Variants in SPMAP2L observed in about 807,000 individuals in gnomAD.
SPMAP2L encodes the protein sperm microtubule associated protein 2 like.
chr4:56,537,440 C>T, the SPMAP2L span, among the ~76,000 whole-genome samples: 1 of 152,160 alleles, frequency 6.6e-6, no homozygotes, highest in Non-Finnish European at 1.5e-5. Flanking sequence ...ATTGACTATA[C>T]TTTTTCAAAC....
chr4:56,543,952 G>T, the SPMAP2L span, among the ~76,000 whole-genome samples: 3 of 118,252 alleles, frequency 2.5e-5, no homozygotes, highest in African/African-American at 3.6e-5. Context: ...GAGAGAGAGT[G>T]TGTGTGTGTG....
chr4:56,602,194 T>C, the SPMAP2L span, among the ~76,000 whole-genome samples: 1 of 152,216 alleles, frequency 6.6e-6, no homozygotes, highest in East Asian at 1.9e-4. Context: ...TTAATTTTGT[T>C]ACCTTGACGG....
the SPMAP2L span, among the ~76,000 whole-genome samples, chr4:56,580,044 TCAGA>T: frequency 6.6e-6 from 1 of 152,246 alleles, no homozygotes; most frequent in East Asian, 1.9e-4. Flanking sequence ...TCTCAAAAAA[TCAGA>T]CACTTTCCAA....
At chr4:56,545,142 C>T in the SPMAP2L span, among the ~76,000 whole-genome samples, 1 of 152,322 alleles carries the variant, frequency 6.6e-6, no homozygotes, top group African/African-American at 2.4e-5. Context: ...GCCCCTGCTC[C>T]ACCCTCCTCC....
chr4:56,592,445 G>A, the SPMAP2L span, among the ~76,000 whole-genome samples: 1 of 152,244 alleles, frequency 6.6e-6, no homozygotes, highest in Non-Finnish European at 1.5e-5. Flanking sequence ...TTCTTGAAAA[G>A]CTACGTTGGG....
At chr4:56,551,989 T>C in the SPMAP2L span, among the ~76,000 whole-genome samples, 1 of 152,000 alleles carries the variant, frequency 6.6e-6, no homozygotes, top group African/African-American at 2.4e-5. Flanking sequence ...TCCAAACAAC[T>C]GCAAAGGAGG....
the SPMAP2L span, among the ~76,000 whole-genome samples, chr4:56,573,993 G>A: frequency 6.6e-6 from 1 of 152,172 alleles, no homozygotes. Flanking sequence ...AAGGAACAGA[G>A]GTCCTTATAA....
the SPMAP2L span, among the ~76,000 whole-genome samples, chr4:56,579,189 T>C: frequency 6.6e-6 from 1 of 152,114 alleles, no homozygotes; most frequent in Admixed American, 6.6e-5. Flanking sequence ...GAACATTCTC[T>C]AGGATAGATC....
At chr4:56,537,797 A>G in the SPMAP2L span, among the ~76,000 whole-genome samples, 1 of 151,276 alleles carries the variant, frequency 6.6e-6, no homozygotes, top group Non-Finnish European at 1.5e-5. Context: ...GGTTCACGCC[A>G]TTCTCCTGCT....
chr4:56,616,771 T>C, the SPMAP2L span, among the ~76,000 whole-genome samples: 1 of 152,202 alleles, frequency 6.6e-6, no homozygotes, highest in African/African-American at 2.4e-5. Context: ...GTCATTCCTT[T>C]TTTAAGATCT....
At chr4:56,615,326 C>T in the SPMAP2L span, among the ~76,000 whole-genome samples, 1 of 152,176 alleles carries the variant, frequency 6.6e-6, no homozygotes, top group Non-Finnish European at 1.5e-5. Flanking sequence ...AGTAAACTGC[C>T]TCACTTTACC....
At chr4:56,549,136 G>A in the SPMAP2L span, among the ~76,000 whole-genome samples, 244 of 151,868 alleles carry the variant, frequency 1.6e-3, no homozygotes, top group African/African-American at 5.4e-3. Flanking sequence ...TTACGGGCAT[G>A]TGCCACCACA....
At chr4:56,580,081 T>A in the SPMAP2L span, among the ~76,000 whole-genome samples, 1 of 152,190 alleles carries the variant, frequency 6.6e-6, no homozygotes, top group African/African-American at 2.4e-5. Context: ...GGACTTGTAT[T>A]ATCCTGATAA....
At chr4:56,567,122 T>G in the SPMAP2L span, among the ~76,000 whole-genome samples, 1 of 152,162 alleles carries the variant, frequency 6.6e-6, no homozygotes, top group Non-Finnish European at 1.5e-5. Flanking sequence ...GTCAAATCTT[T>G]TAAGGAGATT....
the SPMAP2L span, among the ~76,000 whole-genome samples, chr4:56,570,414 G>A: frequency 3.9e-5 from 6 of 152,324 alleles, no homozygotes; most frequent in South Asian, 1.2e-3. Context: ...ACACACCTGA[G>A]CTATATGGTA....
chr4:56,585,890 A>C, the SPMAP2L span, among the ~76,000 whole-genome samples: 2 of 152,218 alleles, frequency 1.3e-5, no homozygotes, highest in Admixed American at 1.3e-4. Context: ...TGGAAAACAA[A>C]CTCCAGATAA....
At chr4:56,533,786 A>C in the SPMAP2L span, among the ~76,000 whole-genome samples, 1 of 150,892 alleles carries the variant, frequency 6.6e-6, no homozygotes. Context: ...CTTTCTACAA[A>C]AAAAAAAAAA....
At chr4:56,584,078 C>T in the SPMAP2L span, among the ~76,000 whole-genome samples, 1,055 of 152,040 alleles carry the variant, frequency 6.9e-3, 14 homozygotes, top group African/African-American at 0.024. Context: ...GTGATCCTCC[C>T]GCCTCAGCCT....
the SPMAP2L span, among the ~76,000 whole-genome samples, chr4:56,600,483 G>C: frequency 1.2e-4 from 18 of 151,762 alleles, no homozygotes; most frequent in Non-Finnish European, 2.4e-4. Flanking sequence ...TAGTACAGAC[G>C]GGGTTTCACC....
Sources: gnomAD v4.1 joint callset for allele counts (sites outside exome capture counted in the v4.1 genomes callset) on GRCh38, gnomAD v4.1.1 for gene constraint, MANE v1.5 for transcripts, NCBI Gene and HGNC (gene_info 2026-07-23, HGNC 2026-07-21) for gene names.